UNC5A: variants seen among roughly 807,000 people sequenced by gnomAD.
UNC5A encodes the protein netrin receptor UNC5A.
UNC5A carries 20 observed loss-of-function variants against 87.4 expected under a neutral mutation model. The observed-to-expected ratio is 0.23, with a 90% CI of 0.16 to 0.33. UNC5A has a LOEUF of 0.33. Among genes scored for constraint, UNC5A ranks in the 10% least tolerant of loss-of-function variants. The pLI is 1.00. For missense variants in UNC5A, 844 were observed against 1,133.4 expected, an observed-to-expected ratio of 0.74 and a Z score of 3.67; for synonymous variants, 438 against 482.3, an observed-to-expected ratio of 0.91 and a Z score of 1.20.
intron 1 of UNC5A, among the ~76,000 whole-genome samples, chr5:176,860,432 A>G (rs1359538531): frequency 1.3e-5 from 2 of 151,984 alleles, no homozygotes; most frequent in Admixed American, 1.3e-4. Flanking sequence ...CATTCTCCAG[A>G]CCGTGGGAGG....
intron 1 of UNC5A, among the ~76,000 whole-genome samples, chr5:176,859,951 T>G (rs566686773): frequency 6.6e-6 from 1 of 152,332 alleles, no homozygotes; most frequent in South Asian, 2.1e-4. Flanking sequence ...CCCTTATTGG[T>G]CACAGTACAT....
rs1375359373 is a variant in UNC5A at position 176,875,525 on chromosome 5, G to T, written c.1378+959G>T. On this transcript the variant is annotated intron_variant, in intron 8 of 14. Transcript: ENST00000329542. This position sits in a 1 kb window ranked among gnomAD's most constrained non-coding sequence, Gnocchi z 5.2. The stretch of plus-strand genomic sequence containing the variant: ...TCCTCAATAGCTCCTGCCACCTCCT[G>T]CTCTTGTCCTCCCTTGCTGCCTCTC... 6.6e-6 allele frequency among the ~76,000 whole-genome samples: 1 copy of T among 152,040 alleles called. No individual in the cohort carries two copies. The highest frequency in any genetic ancestry group is 1.5e-5 in the Non-Finnish European group (1 of 68,016).
At chr5:176,873,942 C>G (rs771785978) in intron 6 of UNC5A, 26 bp from the exon 7 acceptor site, 4 of 1,606,796 alleles carry the variant, frequency 2.5e-6, no homozygotes, top group Non-Finnish European at 3.4e-6. Flanking sequence ...CCCCTGCCCC[C>G]ACCAAGGCCA....
intron 1 of UNC5A, among the ~76,000 whole-genome samples, chr5:176,852,412 C>T (rs544912346): frequency 1.5e-4 from 23 of 152,192 alleles, no homozygotes; most frequent in African/African-American, 5.1e-4. Flanking sequence ...AAAGCACAGG[C>T]GCCGGCCAAG....
intron 1 of UNC5A, among the ~76,000 whole-genome samples, chr5:176,811,494 G>A (rs1297028556): frequency 6.6e-6 from 1 of 152,200 alleles, no homozygotes; most frequent in Admixed American, 6.5e-5. Context: ...TGGTTGGTCC[G>A]CCAGTTTCCC....
chr5:176,858,768 A>AGGCAGGC (rs1757733697), intron 1 of UNC5A, among the ~76,000 whole-genome samples: 4 of 135,786 alleles, frequency 2.9e-5, no homozygotes, highest in African/African-American at 9.4e-5. Flanking sequence ...GGAAGGAAGG[A>AGGCAGGC]AGGAAGGCAA....
chr5:176,827,868 G>A (rs1756892462), intron 1 of UNC5A, among the ~76,000 whole-genome samples: 2 of 152,122 alleles, frequency 1.3e-5, no homozygotes, highest in African/African-American at 4.8e-5. Context: ...TGCTTTGCTG[G>A]TGCCTGAATC....
Position 176,861,702 on chromosome 5 carries a change from C to T in UNC5A, c.71-922C>T, listed in dbSNP as rs1030696702. 3.9e-5 allele frequency among the ~76,000 whole-genome samples: 6 copies of T among 152,200 alleles called. No homozygotes were observed. The East Asian group carries it at 5.8e-4, about 15-fold the overall frequency. On this transcript the variant is annotated intron_variant, in intron 1 of 14. Coordinates refer to ENST00000329542, the MANE Select transcript of UNC5A (RefSeq NM_133369.3). ...TCCATCTCACAGATAGCAAGCCACT[C>T]GCTCCCCAAGGTCACCACTAAGATG...
rs150676553 is a variant in UNC5A, at chr5:176,870,691, G to A, written c.886+157G>A. The A allele has an allele frequency of 2.5e-3, 2,119 of 849,744 alleles. 29 individuals are homozygous for A. The African/African-American group carries it at 0.033, about 13-fold the overall frequency. 52.6% of individuals were successfully genotyped at this position (849,744 alleles called of 1,614,324 possible). ...GATCCCCCTCATCCTTAGCATACCT[G>A]CACATGGGCCCAGGCGCGCCCCACC... On this transcript the variant is annotated intron_variant, in intron 6 of 14. Transcript: ENST00000329542.
chr5:176,878,725 C>T, intron 13 of UNC5A, 86 bp downstream of exon 13: 1 of 1,498,122 alleles, frequency 6.7e-7, no homozygotes. Flanking sequence ...GCCCTGCCTG[C>T]CCTGCCACCC....
intron 1 of UNC5A, among the ~76,000 whole-genome samples, chr5:176,823,915 C>T (rs1248029643): frequency 6.6e-6 from 1 of 152,204 alleles, no homozygotes; most frequent in Non-Finnish European, 1.5e-5. Context: ...GAAATACTTT[C>T]TCAGGGCACA....
chr5:176,847,486 T>C lies in UNC5A; in HGVS notation c.71-15138T>C, dbSNP rs916021208. 1.2e-3 allele frequency among the ~76,000 whole-genome samples: 182 copies of C among 152,114 alleles called. 2 individuals are homozygous for C. Among genetic ancestry groups the C allele is most frequent in the Non-Finnish European group, 2.9e-4 (20 of 68,020 alleles). ...CCTGTAAATTTTCTCATTAATATAC[T>C]TAAAGTTCGTTTTAAGGGGAACAAG... On this transcript the variant is annotated intron_variant, in intron 1 of 14. Transcript: ENST00000329542.
intron 5 of UNC5A, 83 bp from the exon 6 acceptor site, chr5:176,870,287 C>T (rs1022009265): frequency 6.5e-7 from 1 of 1,538,380 alleles, no homozygotes; most frequent in African/African-American, 1.4e-5. Flanking sequence ...GGTCTGGTTG[C>T]CCAGAGGGGC....
chr5:176,842,798 T>A (rs1432474069), intron 1 of UNC5A, among the ~76,000 whole-genome samples: 1 of 152,198 alleles, frequency 6.6e-6, no homozygotes, highest in Non-Finnish European at 1.5e-5. Context: ...ACAGATCACC[T>A]CTAAAGAACT....
At chr5:176,857,000 A>G (rs374509954) in intron 1 of UNC5A, among the ~76,000 whole-genome samples, 1 of 152,152 alleles carries the variant, frequency 6.6e-6, no homozygotes, top group Non-Finnish European at 1.5e-5. Flanking sequence ...CTCCTGCCTT[A>G]GGGCCTCCCC....
chr5:176,815,654 G>T (rs770139301), intron 1 of UNC5A, among the ~76,000 whole-genome samples: 1 of 152,222 alleles, frequency 6.6e-6, no homozygotes, highest in Non-Finnish European at 1.5e-5. Context: ...TCGCATTTGT[G>T]GGGGGATGGC....
chr5:176,831,885 CTTTTTTTTT>C (rs10580672), intron 1 of UNC5A, among the ~76,000 whole-genome samples: 10 of 27,698 alleles, frequency 3.6e-4, no homozygotes, highest in East Asian at 2.1e-3. Context: ...TTCTCTCTCT[CTTTTTTTTT>C]TTTTTTTTTT....
chr5:176,849,339 C>T (rs1757487157), intron 1 of UNC5A, among the ~76,000 whole-genome samples: 1 of 152,236 alleles, frequency 6.6e-6, no homozygotes, highest in East Asian at 1.9e-4. Context: ...AATCCCAGCA[C>T]TTTGGGAGGC....
At position 176,877,874 on chromosome 5, in the gene UNC5A, C is replaced by A. The variant is rs1367588469; in HGVS notation, c.1636-20C>A. 2 of 1,589,460 alleles carry A rather than the reference C, an allele frequency of 1.3e-6. No individual in the cohort carries two copies. Among genetic ancestry groups the A allele is most frequent in the African/African-American group, 2.7e-5 (2 of 74,614 alleles). The stretch of plus-strand genomic sequence containing the variant: ...GGCTCTGAGGCTGGGCCGAATTGAC[C>A]CACTGACCCCTGCCCACAGGATGTG... On this transcript the variant is annotated intron_variant, in intron 10 of 14. Coordinates refer to ENST00000329542, the MANE Select transcript of UNC5A (RefSeq NM_133369.3).
Sources: allele counts gnomAD v4.1 joint callset (sites outside exome capture counted in the v4.1 genomes callset), GRCh38; gene constraint gnomAD v4.1.1; non-coding constraint Gnocchi (gnomAD v3.1); transcripts MANE v1.5; gene names NCBI Gene and HGNC (gene_info 2026-07-23, HGNC 2026-07-21).